The following SNX25 variants were observed in gnomAD, a reference collection of about 807,000 sequenced individuals.
The protein encoded by SNX25 is sorting nexin-25.
Under a neutral mutation model 113.7 loss-of-function variants are expected in SNX25, and 62 were observed. The ratio of observed to expected loss-of-function variants is 0.55; its 90% CI spans 0.44 to 0.67. The LOEUF (loss-of-function observed/expected upper bound fraction) is 0.67, where lower values mean the gene tolerates loss of function less well. Ranked by LOEUF, SNX25 falls within the 30% of genes least tolerant of loss-of-function variation. The probability of loss-of-function intolerance (pLI) is 0.00; values close to 1 mark genes in which losing one functional copy is unlikely to be tolerated. For synonymous variants in SNX25, 421 were observed against 436.2 expected (o/e 0.97, Z 0.43); for missense variants, 1,014 against 1,161.0 (o/e 0.87, Z 1.84).
intron 6 of SNX25, among the ~76,000 whole-genome samples, chr4:185,304,053 A>G (rs1754103486): frequency 1.3e-5 from 2 of 152,222 alleles, no homozygotes; most frequent in Admixed American, 6.5e-5. Context: ...GAGGTCAAGT[A>G]CCATTTCTCA....
the SNX25 span, chr4:185,375,647 A>G: frequency 6.2e-7 from 1 of 1,611,728 alleles, no homozygotes; most frequent in Non-Finnish European, 8.5e-7. Flanking sequence ...ATCATAGTAC[A>G]TCACTCCTAG....
At chr4:185,286,213 T>A (rs12642709) in intron 5 of SNX25, among the ~76,000 whole-genome samples, 56,540 of 151,938 alleles carry the variant, frequency 0.37, 11,430 homozygotes, top group East Asian at 0.56. Context: ...ACTCCTGGGT[T>A]CAATTGATCC....
chr4:185,363,691 A>G lies in SNX25; in HGVS notation c.*226A>G. The G allele has an allele frequency of 2.5e-6, 1 of 397,608 alleles. No homozygotes were observed. Among genetic ancestry groups the G allele is most frequent in the Non-Finnish European group, 4.5e-6 (1 of 220,518 alleles). 24.6% of individuals were successfully genotyped at this position (397,608 alleles called of 1,614,324 possible). A position where few individuals can be genotyped will look rare whatever the true frequency, so the allele number is the denominator to read the frequency against. ...TTAATTTAATATGAATACTTTAAAG[A>G]TCAACATACCGATTGAAATACAAAT... On this transcript the variant is annotated 3_prime_UTR_variant, in exon 19 of 19. Transcript: ENST00000652585. The surrounding 1 kb of genome is among the most constrained non-coding windows in gnomAD (Gnocchi z 4.2).
chr4:185,341,876 C>A, intron 11 of SNX25, 100 bp from the exon 12 acceptor site: 1 of 1,271,802 alleles, frequency 7.9e-7, no homozygotes, highest in Non-Finnish European at 1.1e-6. Flanking sequence ...CAAGGTACAT[C>A]ACGGGGAGGG....
chr4:185,243,142 A>G (rs1207242349), intron 1 of SNX25, among the ~76,000 whole-genome samples: 2 of 152,212 alleles, frequency 1.3e-5, no homozygotes, highest in Non-Finnish European at 2.9e-5. Context: ...TAAAATAGAA[A>G]ACATTATTCT....
chr4:185,219,810 G>T (rs994494016), intron 1 of SNX25, among the ~76,000 whole-genome samples: 2 of 151,928 alleles, frequency 1.3e-5, no homozygotes, highest in East Asian at 3.9e-4. Flanking sequence ...ATATATACCC[G>T]AGGGCTGCTT....
At chr4:185,255,716 G>T (rs1179018022) in intron 2 of SNX25, among the ~76,000 whole-genome samples, 1 of 152,206 alleles carries the variant, frequency 6.6e-6, no homozygotes, top group Non-Finnish European at 1.5e-5. Context: ...GGACTACAGT[G>T]TGCTGAGTAG....
At chr4:185,289,330 C>T (rs973206684) in intron 6 of SNX25, among the ~76,000 whole-genome samples, 4 of 152,096 alleles carry the variant, frequency 2.6e-5, no homozygotes, top group East Asian at 3.9e-4. Context: ...AGTTGTGATG[C>T]GGGGAGCCCT....
At chr4:185,244,892 A>G (rs1474666451) in intron 1 of SNX25, among the ~76,000 whole-genome samples, 1 of 152,154 alleles carries the variant, frequency 6.6e-6, no homozygotes, top group African/African-American at 2.4e-5. Flanking sequence ...GTAAGCACGA[A>G]CAGGGATGAC....
At chr4:185,239,109 A>G (rs567720330) in intron 1 of SNX25, among the ~76,000 whole-genome samples, 6 of 152,200 alleles carry the variant, frequency 3.9e-5, no homozygotes, top group African/African-American at 1.4e-4. Flanking sequence ...GTAAACAGAA[A>G]GCTGATATAT....
In SNX25 at chr4:185,237,748, T is replaced by C. The variant is rs375277169; in HGVS notation, c.430-9546T>C. Among the ~76,000 whole-genome samples, 18 of 151,864 alleles carry C rather than the reference T, an allele frequency of 1.2e-4. 1 individual carries two copies. The highest frequency in any genetic ancestry group is 4.1e-4 in the African/African-American group (17 of 41,404). ...GTCCAAAATTCATGACTTTTTTTTT[T>C]GGTGTTGTTGTTGGAAAAAAAAAAA... On this transcript the variant is annotated intron_variant, in intron 1 of 18. Transcript: ENST00000652585.
intron 6 of SNX25, among the ~76,000 whole-genome samples, chr4:185,299,401 G>T (rs1419675527): frequency 6.6e-6 from 1 of 152,166 alleles, no homozygotes; most frequent in Non-Finnish European, 1.5e-5. Context: ...CTCAAGCTAT[G>T]GTGCACGTCA....
chr4:185,280,442 T>C (rs1474461927), intron 5 of SNX25, among the ~76,000 whole-genome samples: 1 of 152,242 alleles, frequency 6.6e-6, no homozygotes, highest in East Asian at 1.9e-4. Flanking sequence ...AAAAAAATTA[T>C]GTTTGCATAG....
At chr4:185,319,667 T>A (rs901133943) in intron 7 of SNX25, among the ~76,000 whole-genome samples, 1 of 152,192 alleles carries the variant, frequency 6.6e-6, no homozygotes, top group Admixed American at 6.6e-5. Flanking sequence ...CTAAACTGAT[T>A]GAGACCTGTC....
intron 9 of SNX25, among the ~76,000 whole-genome samples, chr4:185,325,271 C>T (rs1225481821): frequency 6.6e-6 from 1 of 152,224 alleles, no homozygotes; most frequent in African/African-American, 2.4e-5. Context: ...CAGTGGCTCA[C>T]GCCTGTAATC....
At chr4:185,295,687 C>G (rs1342301587) in intron 6 of SNX25, 1 of 152,098 alleles carries the variant, frequency 6.6e-6, no homozygotes, top group African/African-American at 2.4e-5. Context: ...TGGGCTCAAT[C>G]GATCCGCCCT....
At chr4:185,327,878 A>C (rs2095167585) in intron 9 of SNX25, among the ~76,000 whole-genome samples, 1 of 152,206 alleles carries the variant, frequency 6.6e-6, no homozygotes, top group Non-Finnish European at 1.5e-5. Context: ...TCTATGCCAA[A>C]TTTTGACACT....
At chr4:185,317,113 A>C (rs1229022799) in intron 7 of SNX25, among the ~76,000 whole-genome samples, 3 of 152,226 alleles carry the variant, frequency 2.0e-5, no homozygotes, top group Non-Finnish European at 2.9e-5. Context: ...CAAGGAACTT[A>C]AACAAATTTA....
Position 185,363,527 on chromosome 4 carries a change from C to T in SNX25, c.*62C>T. The T allele has an allele frequency of 6.6e-7, 1 of 1,506,120 alleles. No individual in the cohort carries two copies. The highest frequency in any genetic ancestry group is 9.2e-7 in the Non-Finnish European group (1 of 1,083,284). 93.3% of individuals were successfully genotyped at this position (1,506,120 alleles called of 1,614,324 possible). A position where few individuals can be genotyped will look rare whatever the true frequency, so the allele number is the denominator to read the frequency against. ...AATAATAGACATGAAACATTTTCCTCTTTTCCACAGAGGGCTTAACTGAGA... is the reference window on the plus strand; with the variant it reads ...AATAATAGACATGAAACATTTTCCTTTTTTCCACAGAGGGCTTAACTGAGA... On this transcript the variant is annotated 3_prime_UTR_variant, in exon 19 of 19. Coordinates refer to ENST00000652585, the MANE Select transcript of SNX25 (RefSeq NM_001378034.2). The surrounding 1 kb of genome is among the most constrained non-coding windows in gnomAD (Gnocchi z 4.2).
Sources: allele counts gnomAD v4.1 joint callset (sites outside exome capture counted in the v4.1 genomes callset), GRCh38; gene constraint gnomAD v4.1.1; non-coding constraint Gnocchi (gnomAD v3.1); transcripts MANE v1.5; gene names NCBI Gene and HGNC (gene_info 2026-07-23, HGNC 2026-07-21).